Variants in GMDS observed in about 807,000 individuals in gnomAD.
The protein encoded by GMDS is GDP-mannose 4,6 dehydratase.
Under a neutral mutation model 49.9 loss-of-function variants are expected in GMDS, and 20 were observed. That is an observed-to-expected ratio of 0.40 (90% CI 0.28 to 0.58). The LOEUF is 0.58. Among genes scored for constraint, GMDS ranks in the 20% least tolerant of loss-of-function variants. The probability of loss-of-function intolerance (pLI) is 0.42; values close to 1 mark genes in which losing one functional copy is unlikely to be tolerated. For missense variants in GMDS, 362 were observed against 481.4 expected, an observed-to-expected ratio of 0.75 and a Z score of 2.32; for synonymous variants, 177 against 178.6, an observed-to-expected ratio of 0.99 and a Z score of 0.07.
intron 4 of GMDS, among the ~76,000 whole-genome samples, chr6:1,992,725 T>C (rs542454627): frequency 6.6e-6 from 1 of 152,340 alleles, no homozygotes; most frequent in East Asian, 1.9e-4. Context: ...TGTTGGCTTA[T>C]TTACTCAGTA....
At chr6:2,033,728 G>A (rs564198386) in intron 4 of GMDS, among the ~76,000 whole-genome samples, 8 of 152,100 alleles carry the variant, frequency 5.3e-5, no homozygotes, top group African/African-American at 7.2e-5. Context: ...CAGATGAGTC[G>A]TTCCTAAACT....
intron 7 of GMDS, among the ~76,000 whole-genome samples, chr6:1,821,611 G>GTTTGTTTTTTTT (rs1770899536): frequency 3.6e-5 from 4 of 109,854 alleles, no homozygotes; most frequent in African/African-American, 1.4e-4. Flanking sequence ...CAATTTATTT[G>GTTTGTTTTTTTT]TTTTTTTTTT....
rs150651406 is a variant in GMDS, at chr6:2,004,862, G to A, written c.346-43896C>T. On this transcript the variant is annotated intron_variant, in intron 4 of 10. Coordinates refer to ENST00000380815, the MANE Select transcript of GMDS (RefSeq NM_001500.4). Reference sequence around the variant, plus strand: ...CTGATGTTTGGATTTAATAATGCTCGTTAGAAAATTATTTGAGCGAATGTT... The same window carrying A: ...CTGATGTTTGGATTTAATAATGCTCATTAGAAAATTATTTGAGCGAATGTT... Among the ~76,000 whole-genome samples, 420 of 152,218 alleles carry A rather than the reference G, an allele frequency of 2.8e-3. 2 individuals carry two copies. Among genetic ancestry groups the A allele is most frequent in the African/African-American group, 9.4e-3 (391 of 41,544 alleles).
At chr6:1,808,443 C>T (rs551351171) in intron 7 of GMDS, among the ~76,000 whole-genome samples, 92 of 152,220 alleles carry the variant, frequency 6.0e-4, no homozygotes, top group Non-Finnish European at 1.1e-3. Flanking sequence ...GCAATGGCTA[C>T]GGTGCGGTTA....
At chr6:2,065,719 GA>G (rs1771533823) in intron 4 of GMDS, among the ~76,000 whole-genome samples, 1 of 152,004 alleles carries the variant, frequency 6.6e-6, no homozygotes, top group Non-Finnish European at 1.5e-5. Flanking sequence ...GAAGTTTAGA[GA>G]AAAAAGAATA....
intron 4 of GMDS, among the ~76,000 whole-genome samples, chr6:2,105,630 T>C (rs1774200540): frequency 6.6e-6 from 1 of 152,254 alleles, no homozygotes; most frequent in Non-Finnish European, 1.5e-5. Context: ...GTTGACAGTC[T>C]TGAAGAATGT....
At chr6:2,045,648 A>C (rs149159952) in intron 4 of GMDS, among the ~76,000 whole-genome samples, 1 of 152,218 alleles carries the variant, frequency 6.6e-6, no homozygotes, top group African/African-American at 2.4e-5. Flanking sequence ...GTAGGGTTGC[A>C]TGGTGACAGT....
intron 1 of GMDS, among the ~76,000 whole-genome samples, chr6:2,126,084 C>G (rs1473628799): frequency 6.6e-6 from 1 of 152,012 alleles, no homozygotes; most frequent in Non-Finnish European, 1.5e-5. Flanking sequence ...TCATGTGCCA[C>G]TTTTAGAGGG....
At position 1,649,601 on chromosome 6, in the gene GMDS, T is replaced by G. The variant is rs547643823; in HGVS notation, c.988-25061A>C. On this transcript the variant is annotated intron_variant, in intron 9 of 10. Transcript: ENST00000380815. Reference sequence around the variant, plus strand: ...GAAGGCACGTTATCCAAGGCACAGATGCACTAGATCCAAATGCTCCTGCCC... The same window carrying G: ...GAAGGCACGTTATCCAAGGCACAGAGGCACTAGATCCAAATGCTCCTGCCC... Among the ~76,000 whole-genome samples the G allele has an allele frequency of 2.6e-5, 4 of 152,350 alleles. No homozygotes were observed. In the South Asian group the frequency reaches 8.3e-4, roughly 32 times the overall value.
chr6:1,897,413 A>C (rs1018369508), intron 7 of GMDS, among the ~76,000 whole-genome samples: 1 of 152,192 alleles, frequency 6.6e-6, no homozygotes, highest in African/African-American at 2.4e-5. Flanking sequence ...GGTTGGGGTT[A>C]GGTGGCAAAA....
chr6:2,005,912 C>A (rs551467550), intron 4 of GMDS, among the ~76,000 whole-genome samples: 100 of 152,238 alleles, frequency 6.6e-4, no homozygotes, highest in African/African-American at 2.3e-3. Context: ...TCTTTTCACT[C>A]GACACCCTTG....
At chr6:1,907,235 C>A (rs1760824322) in intron 7 of GMDS, among the ~76,000 whole-genome samples, 1 of 152,164 alleles carries the variant, frequency 6.6e-6, no homozygotes, top group Admixed American at 6.5e-5. Context: ...CACGCATAGA[C>A]TCTGATACTC....
intron 4 of GMDS, among the ~76,000 whole-genome samples, chr6:2,084,668 G>A (rs7768100): frequency 0.2 from 29,652 of 151,740 alleles, 3,411 homozygotes; most frequent in Non-Finnish European, 0.24. Flanking sequence ...CACCACGCCC[G>A]GCTAATTTTT....
intron 6 of GMDS, among the ~76,000 whole-genome samples, chr6:1,954,563 AC>A (rs1225484460): frequency 6.6e-6 from 1 of 152,144 alleles, no homozygotes; most frequent in Non-Finnish European, 1.5e-5. Flanking sequence ...AGTATTATAA[AC>A]CCTTCTTTTG....
At chr6:2,051,574 T>C (rs1221516889) in intron 4 of GMDS, among the ~76,000 whole-genome samples, 1 of 152,234 alleles carries the variant, frequency 6.6e-6, no homozygotes, top group Admixed American at 6.5e-5. Context: ...GGTTTTTTGG[T>C]ATGAAGGTTC....
At chr6:2,163,467 C>G (rs1175153111) in intron 1 of GMDS, among the ~76,000 whole-genome samples, 4 of 152,060 alleles carry the variant, frequency 2.6e-5, no homozygotes, top group Non-Finnish European at 1.5e-5. Flanking sequence ...CTACAACAAA[C>G]TGGCTCGTGT....
intron 4 of GMDS, among the ~76,000 whole-genome samples, chr6:2,107,280 A>G (rs774103988): frequency 2.6e-5 from 4 of 152,196 alleles, no homozygotes; most frequent in Admixed American, 1.3e-4. Flanking sequence ...AATGGACTAT[A>G]AAGGACTTTT....
At chr6:1,709,452 C>G (rs1343245897) in intron 9 of GMDS, among the ~76,000 whole-genome samples, 1 of 152,232 alleles carries the variant, frequency 6.6e-6, no homozygotes, top group Non-Finnish European at 1.5e-5. Flanking sequence ...TCTGACATGA[C>G]AACAGTGAAG....
intron 7 of GMDS, among the ~76,000 whole-genome samples, chr6:1,758,828 T>C (rs1484119599): frequency 1.3e-5 from 2 of 152,206 alleles, no homozygotes; most frequent in Non-Finnish European, 2.9e-5. Flanking sequence ...CCCAGCACTT[T>C]GGGAAGCCAA....
Sources: gnomAD v4.1 joint callset for allele counts (sites outside exome capture counted in the v4.1 genomes callset) on GRCh38, gnomAD v4.1.1 for gene constraint, MANE v1.5 for transcripts, NCBI Gene and HGNC (gene_info 2026-07-23, HGNC 2026-07-21) for gene names.